The following PPP2R3A variants were observed in gnomAD, a reference collection of about 807,000 sequenced individuals.
The protein encoded by PPP2R3A is protein phosphatase 2 regulatory subunit B''alpha, also known as serine/threonine-protein phosphatase 2A regulatory subunit B'' subunit alpha.
In PPP2R3A, 80 loss-of-function variants were observed where a neutral mutation model predicts 106.9. The ratio of observed to expected loss-of-function variants is 0.75; its 90% CI spans 0.62 to 0.90. PPP2R3A has a LOEUF of 0.90. Ranked by LOEUF, PPP2R3A falls within the 40% of genes least tolerant of loss-of-function variation. The pLI is 0.00. For synonymous variants in PPP2R3A, 483 were observed against 468.3 expected (o/e 1.03, Z -0.41); for missense variants, 1,386 against 1,350.4 (o/e 1.03, Z -0.41).
intron 6 of PPP2R3A, among the ~76,000 whole-genome samples, chr3:136,075,843 T>A (rs1168889296): frequency 6.6e-6 from 1 of 152,218 alleles, no homozygotes; most frequent in Non-Finnish European, 1.5e-5. Context: ...AAATTGACTT[T>A]AACTTGAGAG....
chr3:136,017,338 C>G (rs946834168), intron 2 of PPP2R3A, among the ~76,000 whole-genome samples: 5 of 152,282 alleles, frequency 3.3e-5, no homozygotes, highest in African/African-American at 1.2e-4. Context: ...ATTTGGATAT[C>G]TAGATCTCTA....
intron 4 of PPP2R3A, among the ~76,000 whole-genome samples, chr3:136,048,052 TG>T (rs2107859882): frequency 6.6e-6 from 1 of 152,094 alleles, no homozygotes; most frequent in Non-Finnish European, 1.5e-5. Flanking sequence ...TCTACATCAC[TG>T]AGTATACCTT....
chr3:135,986,683 CTACCCGCAGTA>C (rs1932931852), intron 1 of PPP2R3A, among the ~76,000 whole-genome samples: 2 of 152,140 alleles, frequency 1.3e-5, no homozygotes, highest in Admixed American at 1.3e-4. Context: ...CAGCTACCCA[CTACCCGCAGTA>C]GTATCCATAT....
At chr3:135,976,014 G>C (rs139642477) in intron 1 of PPP2R3A, among the ~76,000 whole-genome samples, 106 of 152,224 alleles carry the variant, frequency 7.0e-4, no homozygotes, top group Non-Finnish European at 1.2e-3. Context: ...CCTTGGGGCT[G>C]AATATCTTCT....
At chr3:136,107,131 G>A (rs931979122) in intron 13 of PPP2R3A, among the ~76,000 whole-genome samples, 1 of 152,066 alleles carries the variant, frequency 6.6e-6, no homozygotes, top group East Asian at 1.9e-4. Context: ...GATCACTTCA[G>A]CAACTTTATA....
chr3:136,113,293 T>C (rs572038295), intron 13 of PPP2R3A, among the ~76,000 whole-genome samples: 1 of 152,174 alleles, frequency 6.6e-6, no homozygotes, highest in South Asian at 2.1e-4. Context: ...GGAACAAGAT[T>C]ATATGGAACA....
intron 12 of PPP2R3A, among the ~76,000 whole-genome samples, chr3:136,105,130 G>A (rs1937482845): frequency 6.6e-6 from 1 of 152,324 alleles, no homozygotes; most frequent in Admixed American, 6.5e-5. Context: ...GTGATATGGA[G>A]AGAAGGGCTG....
chr3:136,067,328 A>AAT (rs1337792765), intron 5 of PPP2R3A, among the ~76,000 whole-genome samples: 1 of 152,242 alleles, frequency 6.6e-6, no homozygotes, highest in Non-Finnish European at 1.5e-5. Flanking sequence ...ACAGACAGGA[A>AAT]ATATAAAACA....
intron 2 of PPP2R3A, among the ~76,000 whole-genome samples, chr3:136,011,643 A>C (rs1398543110): frequency 6.6e-6 from 1 of 152,242 alleles, no homozygotes; most frequent in African/African-American, 2.4e-5. Flanking sequence ...TGATCACTTC[A>C]GAAGCTCTAT....
rs147189544 is a variant in PPP2R3A at position 136,140,203 on chromosome 3, CAGA to C, written c.3330-4837_3330-4835del. 7.0e-3 allele frequency among the ~76,000 whole-genome samples: 1,058 copies of C among 152,084 alleles called. 11 individuals are homozygous for C. Among genetic ancestry groups the C allele is most frequent in the African/African-American group, 0.023 (962 of 41,472 alleles). ...ACCACTGAACCCAGAAGTGGCCATG[CAGA>C]AGGAGTCAGTTAACATACTTTGTTC... On this transcript the variant is annotated intron_variant, in intron 13 of 13. Coordinates refer to ENST00000264977, the MANE Select transcript of PPP2R3A (RefSeq NM_002718.5).
chr3:136,012,391 T>C (rs1053403228), intron 2 of PPP2R3A, among the ~76,000 whole-genome samples: 1 of 152,222 alleles, frequency 6.6e-6, no homozygotes, highest in African/African-American at 2.4e-5. Flanking sequence ...GTGGGTTCTT[T>C]CTGTTATTAG....
rs773435088 is a variant in PPP2R3A, at chr3:136,023,040, A to G, written c.1996-3792A>G. On this transcript the variant is annotated intron_variant, in intron 2 of 13. Transcript: ENST00000264977. The stretch of plus-strand genomic sequence containing the variant: ...GATTATCTTCAGAAGTGTGCTGGAC[A>G]GTTGCGAAGTAAACATTTACTTTTC... 2.5e-6 allele frequency: 4 copies of G among 1,612,012 alleles called. No individual in the cohort carries two copies. The African/African-American group carries it at 5.3e-5, about 22-fold the overall frequency.
intron 1 of PPP2R3A, among the ~76,000 whole-genome samples, chr3:135,990,901 C>G (rs575352473): frequency 6.6e-6 from 1 of 152,196 alleles, no homozygotes; most frequent in East Asian, 1.9e-4. Flanking sequence ...TGTAACCTCT[C>G]GGGGGCTTTC....
At chr3:136,074,969 C>T (rs1215170023) in intron 6 of PPP2R3A, among the ~76,000 whole-genome samples, 4 of 152,214 alleles carry the variant, frequency 2.6e-5, no homozygotes, top group African/African-American at 9.6e-5. Context: ...AATTAGAAAT[C>T]TGTTCACCAC....
intron 13 of PPP2R3A, among the ~76,000 whole-genome samples, chr3:136,126,398 G>C (rs958930227): frequency 1.3e-5 from 2 of 152,232 alleles, no homozygotes; most frequent in Non-Finnish European, 2.9e-5. Flanking sequence ...TGAACTGTGA[G>C]GTGGTAGCTG....
At chr3:136,129,628 A>G (rs924530091) in intron 13 of PPP2R3A, among the ~76,000 whole-genome samples, 2 of 152,190 alleles carry the variant, frequency 1.3e-5, no homozygotes, top group Non-Finnish European at 2.9e-5. Context: ...AACTACTCCA[A>G]TCAATAGAAA....
intron 1 of PPP2R3A, among the ~76,000 whole-genome samples, chr3:135,997,873 ACCT>A (rs969535119): frequency 2.6e-5 from 4 of 151,940 alleles, no homozygotes; most frequent in East Asian, 1.9e-4. Context: ...TATTATCATA[ACCT>A]CCTAATCGAT....
chr3:136,028,585 C>G (rs1169818576), intron 3 of PPP2R3A, among the ~76,000 whole-genome samples: 1 of 152,208 alleles, frequency 6.6e-6, no homozygotes, highest in Non-Finnish European at 1.5e-5. Flanking sequence ...CATGTGGTAA[C>G]AGTAACTAAC....
chr3:136,053,553 A>G (rs572548555), intron 5 of PPP2R3A, among the ~76,000 whole-genome samples: 6 of 152,312 alleles, frequency 3.9e-5, no homozygotes, highest in African/African-American at 1.4e-4. Flanking sequence ...GTCGGTATAC[A>G]CAACAATCAC....
Sources: gnomAD v4.1 joint callset for allele counts (sites outside exome capture counted in the v4.1 genomes callset) on GRCh38, gnomAD v4.1.1 for gene constraint, MANE v1.5 for transcripts, NCBI Gene and HGNC (gene_info 2026-07-23, HGNC 2026-07-21) for gene names.